CNTNAP4: variants seen among roughly 807,000 people sequenced by gnomAD.
CNTNAP4 encodes contactin-associated protein-like 4.
In CNTNAP4, 98 loss-of-function variants were observed where a neutral mutation model predicts 148.4. The ratio of observed to expected loss-of-function variants is 0.66; its 90% CI spans 0.56 to 0.78. The LOEUF (loss-of-function observed/expected upper bound fraction) is 0.78. CNTNAP4 is among the 30% of genes least tolerant of loss of function. CNTNAP4 has a pLI of 0.00. For synonymous variants in CNTNAP4, 730 were observed against 565.1 expected (o/e 1.29, Z -4.14); for missense variants, 1,935 against 1,565.6 (o/e 1.24, Z -3.98).
intron 21 of CNTNAP4, among the ~76,000 whole-genome samples, chr16:76,541,081 TA>T (rs2084433338): frequency 6.6e-6 from 1 of 152,166 alleles, no homozygotes. Flanking sequence ...AAATATTAAA[TA>T]ATTGAAAATA....
chr16:76,471,992 A>G (rs1266439254), intron 10 of CNTNAP4, among the ~76,000 whole-genome samples: 1 of 152,250 alleles, frequency 6.6e-6, no homozygotes, highest in Non-Finnish European at 1.5e-5. Context: ...TTTACATTGT[A>G]ATGGACAGGG....
chr16:76,320,335 A>G (rs1187805537), intron 2 of CNTNAP4, among the ~76,000 whole-genome samples: 1 of 152,190 alleles, frequency 6.6e-6, no homozygotes, highest in Non-Finnish European at 1.5e-5. Flanking sequence ...TTATAGCAAA[A>G]TGTGTGAGGG....
At chr16:76,359,603 T>C (rs139697352) in intron 3 of CNTNAP4, among the ~76,000 whole-genome samples, 80 of 152,328 alleles carry the variant, frequency 5.3e-4, no homozygotes, top group African/African-American at 1.6e-3. Context: ...TTGATAGATA[T>C]GTGATATTTT....
intron 2 of CNTNAP4, among the ~76,000 whole-genome samples, chr16:76,343,921 G>A (rs1419879239): frequency 6.6e-6 from 1 of 152,044 alleles, no homozygotes; most frequent in East Asian, 1.9e-4. Flanking sequence ...CATGACCCTT[G>A]TGCATTCCTC....
chr16:76,334,440 G>A (rs1013778801), intron 2 of CNTNAP4, among the ~76,000 whole-genome samples: 1 of 151,978 alleles, frequency 6.6e-6, no homozygotes, highest in East Asian at 1.9e-4. Flanking sequence ...TGTAAGTTAC[G>A]TTCACTCTTA....
chr16:76,536,648 C>T (rs1423225312), intron 18 of CNTNAP4, among the ~76,000 whole-genome samples: 1 of 152,032 alleles, frequency 6.6e-6, no homozygotes, highest in South Asian at 2.1e-4. Flanking sequence ...CACATTTATA[C>T]ATTAATCATA....
At chr16:76,333,181 T>C (rs1963691739) in intron 2 of CNTNAP4, among the ~76,000 whole-genome samples, 1 of 152,202 alleles carries the variant, frequency 6.6e-6, no homozygotes, top group Non-Finnish European at 1.5e-5. Flanking sequence ...CCAGGTCAGG[T>C]CGTGCCATAC....
intron 3 of CNTNAP4, among the ~76,000 whole-genome samples, chr16:76,414,560 T>C (rs2078912143): frequency 6.6e-6 from 1 of 151,186 alleles, no homozygotes; most frequent in Admixed American, 6.6e-5. Context: ...GGAAGCATTC[T>C]CTGTTTTTCT....
Position 76,316,475 on chromosome 16 carries a change from C to G in CNTNAP4, c.148C>G (p.Leu50Val), listed in dbSNP as rs778021015. The G allele has an allele frequency of 6.2e-7, 1 of 1,613,878 alleles. No individual in the cohort carries two copies. The highest frequency in any genetic ancestry group is 8.5e-7 in the Non-Finnish European group (1 of 1,179,816). ...PQASFSSSSE[L>V]SSSHGPGFAR... ...GGCATCCTTCAGCAGTTCTTCCGAG[C>G]TCTCCAGCAGTCATGGTCCTGGATT... Residue 50 changes from leucine (L) to valine (V), a missense_variant, in exon 2 of 24, where the codon CTC becomes GTC. Coordinates refer to ENST00000611870, the MANE Select transcript of CNTNAP4 (RefSeq NM_033401.5).
At chr16:76,362,628 CA>C (rs1220292770) in intron 3 of CNTNAP4, among the ~76,000 whole-genome samples, 1 of 152,142 alleles carries the variant, frequency 6.6e-6, no homozygotes, top group Non-Finnish European at 1.5e-5. Flanking sequence ...TGATCTTTCA[CA>C]AGGGTGTCAA....
chr16:76,384,417 A>G (rs2016307712), intron 3 of CNTNAP4, among the ~76,000 whole-genome samples: 2 of 152,126 alleles, frequency 1.3e-5, no homozygotes, highest in Admixed American at 1.3e-4. Context: ...ATGAGGACCA[A>G]GCTGAATAAA....
Position 76,448,902 on chromosome 16 carries a change from A to C in CNTNAP4, c.878A>C (p.His293Pro), listed in dbSNP as rs368441162. 4 of 1,613,868 alleles carry C rather than the reference A, an allele frequency of 2.5e-6. No individual in the cohort carries two copies. The South Asian group carries it at 4.4e-5, about 18-fold the overall frequency. Reference protein sequence around the residue: ...QVNFTVDEHRHHFHARGEFNL... With the variant: ...QVNFTVDEHRPHFHARGEFNL... The stretch of plus-strand genomic sequence containing the variant: ...AACTTCACAGTGGACGAACACAGGC[A>C]TCATTTCCATGCACGGGGAGAATTC... Residue 293 changes from histidine to proline, a missense_variant, in exon 6 of 24, where the codon CAT becomes CCT. His to Pro is a moderately conservative substitution (Grantham distance 77). Transcript: ENST00000611870.
rs574008387 is a variant in CNTNAP4, at chr16:76,315,816, A to G, written c.86-597A>G. Among the ~76,000 whole-genome samples, 4 of 151,864 alleles carry G rather than the reference A, an allele frequency of 2.6e-5. No individual in the cohort carries two copies. In the East Asian group the frequency reaches 7.8e-4, roughly 30 times the overall value. ...CACCATGTTGGCTAGGCTTGTCTTG[A>G]ACTCCTGACATCCAGTAATGCACCT... On this transcript the variant is annotated intron_variant, in intron 1 of 23. Coordinates refer to ENST00000611870, the MANE Select transcript of CNTNAP4 (RefSeq NM_033401.5).
chr16:76,481,562 T>C (rs2081829682), intron 12 of CNTNAP4, among the ~76,000 whole-genome samples: 2 of 151,866 alleles, frequency 1.3e-5, no homozygotes, highest in South Asian at 4.2e-4. Context: ...GGCTGCATTT[T>C]AACTGCTTAA....
chr16:76,433,587 C>G (rs1320759479), intron 4 of CNTNAP4, among the ~76,000 whole-genome samples: 1 of 152,058 alleles, frequency 6.6e-6, no homozygotes, highest in Admixed American at 6.6e-5. Context: ...TGTAAAAGCA[C>G]AGACATTTAC....
chr16:76,535,506 C>G lies in CNTNAP4; in HGVS notation c.2756-39C>G, dbSNP rs368375127. 153 of 1,606,712 alleles carry G rather than the reference C, an allele frequency of 9.5e-5. 2 individuals are homozygous for G. The African/African-American group carries it at 1.7e-3, about 18-fold the overall frequency. On this transcript the variant is annotated intron_variant, in intron 17 of 23. Coordinates refer to ENST00000611870, the MANE Select transcript of CNTNAP4 (RefSeq NM_033401.5). ...TGGTCTTTAAACCCTGAATAAAACA[C>G]CTAGGAACATGTTTCCATTTGCAGT...
At chr16:76,407,973 G>C (rs184289592) in intron 3 of CNTNAP4, among the ~76,000 whole-genome samples, 12 of 152,028 alleles carry the variant, frequency 7.9e-5, no homozygotes, top group African/African-American at 2.9e-4. Context: ...CCACCACCCT[G>C]ATCAGTCAGC....
intron 4 of CNTNAP4, among the ~76,000 whole-genome samples, chr16:76,442,572 A>C (rs13331860): frequency 6.6e-6 from 1 of 151,808 alleles, no homozygotes; most frequent in African/African-American, 2.4e-5. Flanking sequence ...TGCAGGGTCA[A>C]AACAGTGGAG....
chr16:76,533,713 A>T (rs2084088718), intron 17 of CNTNAP4, among the ~76,000 whole-genome samples: 1 of 152,154 alleles, frequency 6.6e-6, no homozygotes, highest in Non-Finnish European at 1.5e-5. Flanking sequence ...TAAATGTAGG[A>T]GGAATTAAAC....
Sources: gnomAD v4.1 joint callset for allele counts (sites outside exome capture counted in the v4.1 genomes callset) on GRCh38, gnomAD v4.1.1 for gene constraint, MANE v1.5 for transcripts, NCBI Gene and HGNC (gene_info 2026-07-23, HGNC 2026-07-21) for gene names.